PDZD2: variants seen among roughly 807,000 people sequenced by gnomAD.
PDZD2 encodes PDZ domain-containing protein 2.
In PDZD2, 90 loss-of-function variants were observed where a neutral mutation model predicts 220.7. That is an observed-to-expected ratio of 0.41 (90% CI 0.34 to 0.49). The LOEUF is 0.49. Ranked by LOEUF, PDZD2 falls within the 20% of genes least tolerant of loss-of-function variation. PDZD2 has a pLI of 0.28. For missense variants in PDZD2, 3,174 were observed against 3,608.5 expected, an observed-to-expected ratio of 0.88 and a Z score of 3.08; for synonymous variants, 1,375 against 1,450.5, an observed-to-expected ratio of 0.95 and a Z score of 1.18.
At chr5:31,966,088 G>A (rs1437875302) in intron 2 of PDZD2, among the ~76,000 whole-genome samples, 1 of 152,082 alleles carries the variant, frequency 6.6e-6, no homozygotes, top group Non-Finnish European at 1.5e-5. Context: ...TTTGTTTTTT[G>A]GGAATCAGAC....
At chr5:31,996,440 G>A (rs1751645431) in intron 4 of PDZD2, among the ~76,000 whole-genome samples, 1 of 152,056 alleles carries the variant, frequency 6.6e-6, no homozygotes, top group African/African-American at 2.4e-5. Flanking sequence ...AAAAATAGCA[G>A]CTGGGTGCGC....
At chr5:31,779,304 T>C (rs1270661845) in intron 1 of PDZD2, among the ~76,000 whole-genome samples, 1 of 151,932 alleles carries the variant, frequency 6.6e-6, no homozygotes, top group African/African-American at 2.4e-5. Flanking sequence ...TCACCCCCAA[T>C]TCCACCTAGT....
At chr5:31,849,839 ATCTCTCTC>A (rs1176765212) in intron 2 of PDZD2, among the ~76,000 whole-genome samples, 1 of 136,636 alleles carries the variant, frequency 7.3e-6, no homozygotes, top group Admixed American at 7.7e-5. Flanking sequence ...GTGAGACTCC[ATCTCTCTC>A]TCTCTCTCTC....
intron 21 of PDZD2, among the ~76,000 whole-genome samples, chr5:32,095,894 C>T (rs995885139): frequency 2.0e-5 from 3 of 150,632 alleles, no homozygotes; most frequent in African/African-American, 7.3e-5. Context: ...GTGCCCGCCA[C>T]CATGCCCGGC....
chr5:31,950,903 A>C (rs1747118405), intron 2 of PDZD2, among the ~76,000 whole-genome samples: 1 of 152,164 alleles, frequency 6.6e-6, no homozygotes, highest in Non-Finnish European at 1.5e-5. Context: ...GTTGTTGATA[A>C]ACAACAGAAA....
intron 2 of PDZD2, among the ~76,000 whole-genome samples, chr5:31,976,008 TG>T (rs1382196408): frequency 6.6e-6 from 1 of 151,952 alleles, no homozygotes; most frequent in African/African-American, 2.4e-5. Context: ...CTGCTCAGGC[TG>T]GGATATCAGC....
rs192430791 is a variant in PDZD2, at chr5:31,744,886, T to C, written c.-360-54003T>C. Reference sequence around the variant, plus strand: ...GAGATTGAGACCATCCTGGCTAACATGGTGAAACCCCGCCTCTACTAAAAA... The same window carrying C: ...GAGATTGAGACCATCCTGGCTAACACGGTGAAACCCCGCCTCTACTAAAAA... On this transcript the variant is annotated intron_variant, in intron 1 of 24. Transcript: ENST00000438447. 2.4e-3 allele frequency among the ~76,000 whole-genome samples: 360 copies of C among 151,722 alleles called. 3 individuals carry two copies. The highest frequency in any genetic ancestry group is 0.014 in the Middle Eastern group (4 of 292).
intron 1 of PDZD2, among the ~76,000 whole-genome samples, chr5:31,790,453 G>A (rs1753634894): frequency 6.6e-6 from 1 of 152,092 alleles, no homozygotes; most frequent in African/African-American, 2.4e-5. Flanking sequence ...GATGGGCACA[G>A]GAAGGACACC....
At chr5:31,915,972 G>A (rs1743642483) in intron 2 of PDZD2, among the ~76,000 whole-genome samples, 1 of 152,176 alleles carries the variant, frequency 6.6e-6, no homozygotes, top group Admixed American at 6.5e-5. Context: ...GTGTGTTGGG[G>A]GGACAGTGGG....
intron 7 of PDZD2, among the ~76,000 whole-genome samples, chr5:32,041,908 C>CAA (rs56157199): frequency 0.11 from 10,205 of 90,778 alleles, 837 homozygotes; most frequent in Non-Finnish European, 0.13. Context: ...AAAAAGAAAG[C>CAA]AAAAAAAAAA....
chr5:31,725,338 CAAA>C (rs1215709111), intron 1 of PDZD2, among the ~76,000 whole-genome samples: 4 of 67,372 alleles, frequency 5.9e-5, no homozygotes, highest in Middle Eastern at 0.01. Context: ...AACTCCATCT[CAAA>C]AAAAAAAAAA....
At chr5:31,929,472 G>A (rs1745063095) in intron 2 of PDZD2, among the ~76,000 whole-genome samples, 1 of 152,134 alleles carries the variant, frequency 6.6e-6, no homozygotes, top group Non-Finnish European at 1.5e-5. Context: ...AAATATCTGC[G>A]GACAGTGCTA....
At chr5:31,971,747 T>G (rs1371211480) in intron 2 of PDZD2, among the ~76,000 whole-genome samples, 1 of 139,408 alleles carries the variant, frequency 7.2e-6, no homozygotes, top group African/African-American at 2.7e-5. Context: ...ACATTTCACA[T>G]TCCTCCTCTG....
chr5:32,079,219 A>G (rs1160395366), intron 19 of PDZD2, among the ~76,000 whole-genome samples: 1 of 145,026 alleles, frequency 6.9e-6, no homozygotes, highest in African/African-American at 2.6e-5. Context: ...AGATTGTGCC[A>G]TTGCACTCCA....
At chr5:31,840,728 G>A in intron 2 of PDZD2, 3 of 783,882 alleles carry the variant, frequency 3.8e-6, no homozygotes, top group South Asian at 2.7e-5. Flanking sequence ...CAAGAATCTT[G>A]CCCTTAACTT....
intron 5 of PDZD2, among the ~76,000 whole-genome samples, chr5:32,003,210 TCA>T (rs1392415809): frequency 2.9e-5 from 1 of 34,642 alleles, no homozygotes; most frequent in Non-Finnish European, 4.9e-5. Context: ...ACCACACACA[TCA>T]CACACCCACA....
intron 2 of PDZD2, among the ~76,000 whole-genome samples, chr5:31,841,870 C>T (rs1675976739): frequency 6.6e-6 from 1 of 151,308 alleles, no homozygotes; most frequent in African/African-American, 2.4e-5. Context: ...ACTCGGGAGG[C>T]TGAGGCAGGA....
At chr5:31,728,703 G>A (rs1028295882) in intron 1 of PDZD2, among the ~76,000 whole-genome samples, 1 of 152,176 alleles carries the variant, frequency 6.6e-6, no homozygotes, top group African/African-American at 2.4e-5. Flanking sequence ...TTTATAAAAT[G>A]ACTAAGAGAG....
chr5:31,846,226 C>T (rs534989926), intron 2 of PDZD2, among the ~76,000 whole-genome samples: 351 of 152,310 alleles, frequency 2.3e-3, no homozygotes, highest in South Asian at 7.7e-3. Context: ...CTCCGCATCC[C>T]GGGTTCAAGT....
Sources: gnomAD v4.1 joint callset for allele counts (sites outside exome capture counted in the v4.1 genomes callset) on GRCh38, gnomAD v4.1.1 for gene constraint, MANE v1.5 for transcripts, NCBI Gene and HGNC (gene_info 2026-07-23, HGNC 2026-07-21) for gene names.